CSNK1E: variants seen among roughly 807,000 people sequenced by gnomAD.
CSNK1E encodes casein kinase 1 epsilon.
A neutral mutation model predicts 46.1 loss-of-function variants in CSNK1E; 17 were observed. The observed-to-expected ratio is 0.37, with a 90% confidence interval of 0.25 to 0.55. CSNK1E has a LOEUF of 0.55. Ranked by LOEUF, CSNK1E falls within the 20% of genes least tolerant of loss-of-function variation. The pLI, the probability that CSNK1E is intolerant of heterozygous loss-of-function variation, is 0.82. For synonymous variants in CSNK1E, 241 were observed against 242.6 expected (o/e 0.99, Z 0.06); for missense variants, 386 against 595.4 (o/e 0.65, Z 3.66).
chr22:38,292,282 T>G (rs540716860), intron 10 of CSNK1E: 1 of 152,284 alleles, frequency 6.6e-6, no homozygotes, highest in South Asian at 2.1e-4. Flanking sequence ...CCACTGCACT[T>G]GGCCCCCCAA....
intron 4 of CSNK1E, among the ~76,000 whole-genome samples, chr22:38,302,627 C>T (rs973826727): frequency 1.3e-5 from 2 of 152,192 alleles, no homozygotes; most frequent in African/African-American, 2.4e-5. Context: ...AGGAGAATCG[C>T]GTGAACCTGG....
At chr22:38,317,613 G>A (rs2092755601), upstream of CSNK1E, among the ~76,000 whole-genome samples, 1 of 152,048 alleles carries the variant, frequency 6.6e-6, no homozygotes. Flanking sequence ...CGTGGGGGTG[G>A]GGGAGCACAC....
At chr22:38,295,345 C>T in intron 7 of CSNK1E, 2 of 863,784 alleles carry the variant, frequency 2.3e-6, no homozygotes, top group South Asian at 5.3e-5. Flanking sequence ...TGAGAAGGGG[C>T]CAGAGAAGAG....
rs755709999 is a variant in CSNK1E at position 38,300,761 on chromosome 22, C to T, written c.528G>A (p.Thr176=). Residue 176 remains threonine (T), a synonymous_variant, in exon 5 of 11, where the codon ACG becomes ACA. Transcript: ENST00000396832. This position sits in a 1 kb window ranked among gnomAD's most constrained non-coding sequence, Gnocchi z 4.4. ...PYRENKNLTG[T]ARYASINTHL... ...GCGTGTTGATGGAAGCGTAGCGGGC[C>T]GTGCCGGTCAGGTTCTTGTTTTCCC... 4 of 1,614,086 alleles carry T rather than the reference C, an allele frequency of 2.5e-6. No homozygotes were observed. In the South Asian group the frequency reaches 3.3e-5, roughly 13 times the overall value.
At chr22:38,312,666 T>A (rs2092726237) in intron 2 of CSNK1E, among the ~76,000 whole-genome samples, 2 of 152,178 alleles carry the variant, frequency 1.3e-5, no homozygotes, top group South Asian at 2.1e-4. Context: ...GAACTGCACA[T>A]CTGGCTGGCA....
intron 1 of CSNK1E, 100 bp from the exon 2 acceptor site, chr22:38,314,269 T>A: frequency 1.2e-6 from 1 of 859,846 alleles, no homozygotes; most frequent in Non-Finnish European, 1.9e-6. Flanking sequence ...CTCGAAAACC[T>A]GCATTCTCGA....
At chr22:38,313,305 T>G (rs1214016153) in intron 2 of CSNK1E, among the ~76,000 whole-genome samples, 1 of 152,202 alleles carries the variant, frequency 6.6e-6, no homozygotes, top group Non-Finnish European at 1.5e-5. Flanking sequence ...GTAGAAGGGC[T>G]GGCCACCTCA....
rs135758 is a variant in CSNK1E, at chr22:38,309,583, T to C, written c.76+4499A>G. 0.65 allele frequency among the ~76,000 whole-genome samples: 97,998 copies of C among 151,712 alleles called. 33,631 individuals are homozygous for C. The highest frequency in any genetic ancestry group is 0.81 in the East Asian group (4,183 of 5,160). On this transcript the variant is annotated intron_variant, in intron 2 of 10. Coordinates refer to ENST00000396832, the MANE Select transcript of CSNK1E (RefSeq NM_152221.3). This position sits in a 1 kb window ranked among gnomAD's most constrained non-coding sequence, Gnocchi z 4.8. The stretch of plus-strand genomic sequence containing the variant: ...GATTCTCATGCCTCAGCCTCCCGAG[T>C]AACTGGGATTACAAGCAGACACCAC...
chr22:38,305,089 G>T (rs6001092), intron 2 of CSNK1E, among the ~76,000 whole-genome samples: 130,390 of 145,414 alleles, frequency 0.9, 58,530 homozygotes, highest in African/African-American at 0.95. Flanking sequence ...GCCATTGCAC[G>T]CTAGCCTGGG....
chr22:38,314,860 A>AG (rs1234740227), intron 1 of CSNK1E, among the ~76,000 whole-genome samples: 2 of 152,086 alleles, frequency 1.3e-5, no homozygotes, highest in Admixed American at 6.5e-5. Flanking sequence ...CCTCAGGGCC[A>AG]GGGGGGAGCC....
intron 1 of CSNK1E, among the ~76,000 whole-genome samples, chr22:38,314,962 A>G (rs2092737504): frequency 6.6e-6 from 1 of 152,186 alleles, no homozygotes; most frequent in African/African-American, 2.4e-5. Flanking sequence ...AGAGGAGGAA[A>G]CTGAAGGCCT....
intron 4 of CSNK1E, among the ~76,000 whole-genome samples, chr22:38,302,140 G>A (rs1361508132): frequency 6.6e-6 from 1 of 152,158 alleles, no homozygotes; most frequent in Non-Finnish European, 1.5e-5. Flanking sequence ...GAGGTTCGGC[G>A]TTCACCTACG....
chr22:38,312,811 C>A (rs1018628073), intron 2 of CSNK1E, among the ~76,000 whole-genome samples: 1 of 152,212 alleles, frequency 6.6e-6, no homozygotes, highest in African/African-American at 2.4e-5. Context: ...GACCTTCCCA[C>A]AGCCACACAA....
intron 2 of CSNK1E, among the ~76,000 whole-genome samples, chr22:38,312,020 T>C (rs2092723237): frequency 6.6e-6 from 1 of 152,172 alleles, no homozygotes; most frequent in South Asian, 2.1e-4. Context: ...GCCAGGCTGG[T>C]CTCGAACTCC....
At chr22:38,314,206 G>T in intron 1 of CSNK1E, 37 bp from the exon 2 acceptor site, 1 of 1,570,620 alleles carries the variant, frequency 6.4e-7, no homozygotes, top group Non-Finnish European at 8.7e-7. Flanking sequence ...TCAGCGACGT[G>T]GGGAGCCGGG....
Position 38,294,692 on chromosome 22 carries a change from A to G in CSNK1E, c.886-158T>C, listed in dbSNP as rs2075983. Among the ~76,000 whole-genome samples the G allele has an allele frequency of 0.64, 97,604 of 152,014 alleles. 33,607 individuals are homozygous for G. Among genetic ancestry groups the G allele is most frequent in the East Asian group, 0.81 (4,156 of 5,136 alleles). On this transcript the variant is annotated intron_variant, in intron 7 of 10. Transcript: ENST00000396832. This position sits in a 1 kb window ranked among gnomAD's most constrained non-coding sequence, Gnocchi z 5.5. ...ACAAGCGCGGGAAGCCAAGACCCAC[A>G]ATCACACAGCACAGAGACACGAAGC...
intron 7 of CSNK1E, chr22:38,296,665 T>C (rs1427765233): frequency 6.2e-7 from 1 of 1,612,628 alleles, no homozygotes; most frequent in African/African-American, 1.3e-5. Flanking sequence ...CCAGCAGCAG[T>C]GGGTGGAGAG....
In CSNK1E at chr22:38,303,117, C is replaced by T. The variant is rs1273720653; in HGVS notation, c.187+21G>A. On this transcript the variant is annotated intron_variant, in intron 3 of 10. Coordinates refer to ENST00000396832, the MANE Select transcript of CSNK1E (RefSeq NM_152221.3). This position sits in a 1 kb window ranked among gnomAD's most constrained non-coding sequence, Gnocchi z 4.7. ...CCACCGCCACCCACCCGGCGCCCGC[C>T]GCCGCCCACCCTGCGCTCACCGCCA... 16 of 1,600,538 alleles carry T rather than the reference C, an allele frequency of 1.0e-5. No individual in the cohort carries two copies. The highest frequency in any genetic ancestry group is 2.2e-5 in the South Asian group (2 of 90,410).
intron 9 of CSNK1E, 119 bp downstream of exon 9, chr22:38,293,990 T>G: frequency 8.1e-7 from 1 of 1,228,740 alleles, no homozygotes; most frequent in Admixed American, 2.4e-5. Context: ...CAGAAGGGGT[T>G]CACTCCAAGG....
Sources: allele counts gnomAD v4.1 joint callset (sites outside exome capture counted in the v4.1 genomes callset), GRCh38; gene constraint gnomAD v4.1.1; non-coding constraint Gnocchi (gnomAD v3.1); transcripts MANE v1.5; gene names NCBI Gene and HGNC (gene_info 2026-07-23, HGNC 2026-07-21).